ASXL3: variants seen among roughly 807,000 people sequenced by gnomAD.
The protein encoded by ASXL3 is ASXL transcriptional regulator 3.
A neutral mutation model predicts 170.6 loss-of-function variants in ASXL3; 34 were observed. The observed-to-expected ratio is 0.20, with a 90% CI of 0.15 to 0.27. The LOEUF (loss-of-function observed/expected upper bound fraction) is 0.27. ASXL3 is among the 10% of genes least tolerant of loss of function. The pLI is 1.00. For synonymous variants in ASXL3, 1,002 were observed against 989.1 expected, an observed-to-expected ratio of 1.01 and a Z score of -0.24; for missense variants, 2,592 against 2,695.3, an observed-to-expected ratio of 0.96 and a Z score of 0.85.
intron 5 of ASXL3, among the ~76,000 whole-genome samples, chr18:33,663,800 A>T (rs2145238010): frequency 6.6e-6 from 1 of 152,250 alleles, no homozygotes; most frequent in African/African-American, 2.4e-5. Flanking sequence ...TGAATTTCTT[A>T]AGACAGCATT....
At chr18:33,683,701 C>T (rs1012198744) in intron 8 of ASXL3, 133 bp downstream of exon 8, 14 of 976,180 alleles carry the variant, frequency 1.4e-5, no homozygotes, top group African/African-American at 3.3e-5. Flanking sequence ...TTATTGCTGT[C>T]ATTAGCTTAT....
chr18:33,746,316 A>G lies in ASXL3; in HGVS notation c.6468A>G (p.Thr2156=), dbSNP rs2067792467. ...AGCAGCTCTGTGGAAATTATCCAAC[A>G]ATACACTTTGGTAGCACGAGTTTCA... ...QQQQLCGNYP[T]IHFGSTSFKR... Residue 2156 remains threonine (T), a synonymous_variant, in exon 12 of 12, where the codon ACA becomes ACG. Transcript: ENST00000269197. 1 of 1,613,934 alleles carries G rather than the reference A, an allele frequency of 6.2e-7. No homozygotes were observed. The highest frequency in any genetic ancestry group is 1.7e-5 in the Admixed American group (1 of 60,014).
chr18:33,636,212 G>T (rs2065760965), intron 2 of ASXL3, among the ~76,000 whole-genome samples: 1 of 152,088 alleles, frequency 6.6e-6, no homozygotes, highest in South Asian at 2.1e-4. Context: ...TGGAGAAGAT[G>T]AAGATGAGGT....
In ASXL3 at chr18:33,744,578, A is replaced by G. The variant is rs2067735878; in HGVS notation, c.4730A>G (p.His1577Arg). The change falls in exon 12 of 12, where the codon CAT becomes CGT. Residue 1577 changes from histidine (H) to arginine (R), a missense_variant. Physicochemically the swap from His to Arg is conservative, Grantham distance 29. Around this residue, in one of 4 missense-constraint regions of ASXL3, gnomAD observed 2,246 missense variants for 2,219.6 expected, o/e 1.01. Coordinates refer to ENST00000269197, the MANE Select transcript of ASXL3 (RefSeq NM_030632.3). ...TTAAATGAGCCGACTGCTCCCAGTC[A>G]TAACTTTGCTGAGCAGGCACGTGGC... ...DKLNEPTAPSHNFAEQARGPA... is the reference protein window; with the variant it reads ...DKLNEPTAPSRNFAEQARGPA... 4 of 1,611,312 alleles carry G rather than the reference A, an allele frequency of 2.5e-6. No individual in the cohort carries two copies. Among genetic ancestry groups the G allele is most frequent in the Admixed American group, 1.7e-5 (1 of 59,674 alleles).
rs2067798546 is a variant in ASXL3 at position 33,746,570 on chromosome 18, G to T, written c.6722G>T (p.Cys2241Phe). The change falls in exon 12 of 12, where the codon TGT becomes TTT. Residue 2241 changes from cysteine to phenylalanine, a missense_variant. Cys to Phe is a radical substitution (Grantham distance 205). Transcript: ENST00000269197. ...HDDCIGPSKLCVACLVVR is the reference protein window; with the variant it reads ...HDDCIGPSKLFVACLVVR ...GACTGCATAGGTCCTTCAAAACTTT[G>T]TGTAGCATGCCTGGTTGTACGATAA... 6.3e-7 allele frequency: 1 copy of T among 1,593,338 alleles called. No individual in the cohort carries two copies. Among genetic ancestry groups the T allele is most frequent in the Non-Finnish European group, 8.6e-7 (1 of 1,166,580 alleles).
Position 33,739,385 on chromosome 18 carries a change from A to G in ASXL3, c.1981A>G (p.Lys661Glu). 1 of 1,613,822 alleles carries G rather than the reference A, an allele frequency of 6.2e-7. No homozygotes were observed. Among genetic ancestry groups the G allele is most frequent in the Non-Finnish European group, 8.5e-7 (1 of 1,179,796 alleles). The change falls in exon 11 of 12, where the codon AAA becomes GAA. Residue 661 changes from lysine to glutamate, a missense_variant. Lys to Glu is a moderately conservative substitution (Grantham distance 56). This residue lies in a region of ASXL3 where 2,246 missense variants were observed against 2,219.6 expected (regional missense o/e 1.01). Transcript: ENST00000269197. ...SEVSSTENTD[K>E]YNQRNSTDEN... ...GGTATCTAGCACTGAAAATACAGAC[A>G]AATACAACCAGAGAAATTCCACTGA...
At chr18:33,661,067 T>C (rs1376192617) in intron 4 of ASXL3, among the ~76,000 whole-genome samples, 3 of 152,204 alleles carry the variant, frequency 2.0e-5, no homozygotes, top group African/African-American at 4.8e-5. Context: ...CTTGAATTGA[T>C]AACAAGCATC....
chr18:33,717,319 G>A (rs1022437585), intron 8 of ASXL3, among the ~76,000 whole-genome samples: 2 of 152,042 alleles, frequency 1.3e-5, no homozygotes, highest in African/African-American at 4.8e-5. Context: ...TGATATCTGT[G>A]TTCCATTTTA....
chr18:33,682,609 G>A (rs1028947445), intron 7 of ASXL3, among the ~76,000 whole-genome samples: 2 of 152,026 alleles, frequency 1.3e-5, no homozygotes, highest in African/African-American at 2.4e-5. Flanking sequence ...GTGCAGTGGC[G>A]CAGTCATGGC....
intron 1 of ASXL3, among the ~76,000 whole-genome samples, chr18:33,594,865 A>G (rs1185627930): frequency 1.3e-5 from 2 of 152,152 alleles, no homozygotes; most frequent in African/African-American, 2.4e-5. Context: ...ATGAACCACC[A>G]TGCCTGGCCT....
At chr18:33,719,678 A>G (rs949568575) in intron 8 of ASXL3, among the ~76,000 whole-genome samples, 3 of 152,012 alleles carry the variant, frequency 2.0e-5, no homozygotes, top group African/African-American at 7.2e-5. Flanking sequence ...AGATGATTAG[A>G]TCATGAGGAC....
rs11378870 is a variant in ASXL3 at position 33,716,897 on chromosome 18, TA to T, written c.880-15056del. On this transcript the variant is annotated intron_variant, in intron 8 of 11. Transcript: ENST00000269197. ...TTGCAAGAAATGGAGATTTGCTGGTTAAAAAAAAAAAAAAAGTAATTGAGTG... is the reference window on the plus strand; with the variant it reads ...TTGCAAGAAATGGAGATTTGCTGGTTAAAAAAAAAAAAAAGTAATTGAGTG... 4.1e-3 allele frequency among the ~76,000 whole-genome samples: 587 copies of T among 143,718 alleles called. 6 individuals carry two copies. The highest frequency in any genetic ancestry group is 0.011 in the African/African-American group (436 of 39,280). The allele number at this position is 143,718 out of a possible 152,430, so 94.3% of individuals were successfully genotyped here.
At chr18:33,639,259 C>G (rs914536751) in intron 2 of ASXL3, among the ~76,000 whole-genome samples, 4 of 152,080 alleles carry the variant, frequency 2.6e-5, no homozygotes, top group Non-Finnish European at 4.4e-5. Context: ...TTATTATCCA[C>G]ATTTTAGAGT....
At chr18:33,599,437 C>T (rs541551259) in intron 1 of ASXL3, among the ~76,000 whole-genome samples, 2 of 152,104 alleles carry the variant, frequency 1.3e-5, no homozygotes, top group African/African-American at 4.8e-5. Flanking sequence ...AAAAGAGATC[C>T]CAGTGGCAGC....
intron 1 of ASXL3, among the ~76,000 whole-genome samples, chr18:33,596,190 T>A (rs950689880): frequency 1.3e-5 from 2 of 152,206 alleles, no homozygotes; most frequent in African/African-American, 2.4e-5. Flanking sequence ...TAGATTAGCA[T>A]TTTGAATGAA....
intron 2 of ASXL3, among the ~76,000 whole-genome samples, chr18:33,621,338 A>G (rs2065509293): frequency 6.6e-6 from 1 of 152,172 alleles, no homozygotes; most frequent in African/African-American, 2.4e-5. Context: ...TGTGTAAAGA[A>G]AGAAGGATCA....
chr18:33,585,122 C>CCTCTTTTCCTTCT (rs1357107170), intron 1 of ASXL3, among the ~76,000 whole-genome samples: 1 of 151,868 alleles, frequency 6.6e-6, no homozygotes, highest in Non-Finnish European at 1.5e-5. Flanking sequence ...TCCTTCCTTC[C>CCTCTTTTCCTTCT]CTCTTTTCCT....
Position 33,732,029 on chromosome 18 carries a change from A to G in ASXL3, c.941A>G (p.Tyr314Cys), listed in dbSNP as rs1175570538. The change falls in exon 9 of 12, where the codon TAT becomes TGT. Residue 314 changes from tyrosine (Y) to cysteine (C), a missense_variant. Tyr to Cys is a radical substitution (Grantham distance 194). Transcript: ENST00000269197. ...TSALNNEFFA[Y>C]AAQGWKQRLA... Reference sequence around the variant, plus strand: ...GCTCTAAATAATGAATTCTTTGCATATGCAGCACAAGGGTGGAAACAGCGA... The same window carrying G: ...GCTCTAAATAATGAATTCTTTGCATGTGCAGCACAAGGGTGGAAACAGCGA... The G allele has an allele frequency of 1.9e-6, 3 of 1,613,288 alleles. No individual in the cohort carries two copies. Among genetic ancestry groups the G allele is most frequent in the East Asian group, 2.2e-5 (1 of 44,882 alleles).
At chr18:33,741,857 G>T (rs752342525) in intron 11 of ASXL3, among the ~76,000 whole-genome samples, 19 of 151,598 alleles carry the variant, frequency 1.3e-4, no homozygotes, top group Admixed American at 5.2e-4. Flanking sequence ...AATGAGGGAT[G>T]TCAACTAGAG....
Sources: allele counts gnomAD v4.1 joint callset (sites outside exome capture counted in the v4.1 genomes callset), GRCh38; gene constraint gnomAD v4.1.1; regional missense constraint gnomAD v4.1.1; transcripts MANE v1.5; gene names NCBI Gene and HGNC (gene_info 2026-07-23, HGNC 2026-07-21).